FOXL2NB: variants seen among roughly 807,000 people sequenced by gnomAD.
FOXL2NB encodes the protein FOXL2 neighbor protein.
Under a neutral mutation model 7.4 loss-of-function variants are expected in FOXL2NB, and 10 were observed. That is an observed-to-expected ratio of 1.34 (90% confidence interval 0.83 to 2.28). The LOEUF (loss-of-function observed/expected upper bound fraction) is 2.28, where lower values mean the gene tolerates loss of function less well. Ranked by LOEUF, FOXL2NB falls within the 30% of genes most tolerant of loss-of-function variation. The pLI is 0.00. For synonymous variants in FOXL2NB, 104 were observed against 105.3 expected (o/e 0.99, Z 0.08); for missense variants, 228 against 233.9 (o/e 0.97, Z 0.17).
In FOXL2NB at chr3:138,947,991, G is replaced by A. The variant is rs984206101; in HGVS notation, c.100+527G>A. On this transcript the variant is annotated intron_variant, in intron 1 of 2. Coordinates refer to ENST00000383165, the MANE Select transcript of FOXL2NB (RefSeq NM_001040061.3). This position sits in a 1 kb window ranked among gnomAD's most constrained non-coding sequence, Gnocchi z 5.2. ...TGGGTGAGATACCAGGTGCATGTGT[G>A]CTGCTCAGAAACACAGGTATGCACA... 13 of 986,112 alleles carry A rather than the reference G, an allele frequency of 1.3e-5. No homozygotes were observed. The highest frequency in any genetic ancestry group is 1.6e-5 in the Non-Finnish European group (13 of 830,444). The allele number at this position is 986,112 out of a possible 1,614,324, so 61.1% of individuals were successfully genotyped here.
rs566392709 is a variant in FOXL2NB at position 138,950,404 on chromosome 3, C to G, written c.360C>G (p.Ala120=). Residue 120 remains alanine, a synonymous_variant, in exon 3 of 3, where the codon GCC becomes GCG. Transcript: ENST00000383165. The part of the protein sequence containing the change: ...LEPLSSSRAA[A]GCLNQVPLSP... ...CACTCAGCTCGTCCCGCGCCGCCGC[C>G]GGCTGCCTGAACCAGGTTCCGCTGT... is the stretch of plus-strand genomic sequence containing the variant. The G allele has an allele frequency of 6.2e-7, 1 of 1,613,438 alleles. No individual in the cohort carries two copies. The highest frequency in any genetic ancestry group is 2.2e-5 in the East Asian group (1 of 44,884).
At position 138,951,090 on chromosome 3, in the gene FOXL2NB, A is replaced by T. The variant is rs1337715398; in HGVS notation, c.*518A>T. 2 of 157,466 alleles carry T rather than the reference A, an allele frequency of 1.3e-5. No individual in the cohort carries two copies. Among genetic ancestry groups the T allele is most frequent in the Admixed American group, 6.5e-5 (1 of 15,322 alleles). 9.8% of individuals were successfully genotyped at this position (157,466 alleles called of 1,614,324 possible). A position where few individuals can be genotyped will look rare whatever the true frequency, so the allele number is the denominator to read the frequency against. On this transcript the variant is annotated 3_prime_UTR_variant, in exon 3 of 3. Coordinates refer to ENST00000383165, the MANE Select transcript of FOXL2NB (RefSeq NM_001040061.3). ...TGCACAGGCCACTCACACAGGCTTT[A>T]TCTCTGTCTCGAAACTCTGCTGAGT...
chr3:138,950,017 G>C (rs1029547165), intron 2 of FOXL2NB: 10 of 703,970 alleles, frequency 1.4e-5, no homozygotes, highest in Non-Finnish European at 2.3e-5. Context: ...CAGGGTGGTG[G>C]GCTGGGCAGA....
chr3:138,951,726 G>A lies in FOXL2NB; in HGVS notation c.*1154G>A, dbSNP rs949556538. On this transcript the variant is annotated 3_prime_UTR_variant, in exon 3 of 3. Transcript: ENST00000383165. ...TTCAGCTCTGAACAGTGAGTGCCTT[G>A]CCAGTAGGCCTCAGGCTTGCTGGGG... 6 of 152,210 alleles carry A rather than the reference G, an allele frequency of 3.9e-5. No homozygotes were observed. Among genetic ancestry groups the A allele is most frequent in the East Asian group, 1.9e-4 (1 of 5,182 alleles). The allele number at this position is 152,210 out of a possible 1,614,324, so 9.4% of individuals were successfully genotyped here.
intron 1 of FOXL2NB, among the ~76,000 whole-genome samples, chr3:138,948,231 G>A (rs1187530790): frequency 6.6e-6 from 1 of 152,106 alleles, no homozygotes; most frequent in Non-Finnish European, 1.5e-5. Flanking sequence ...GCCACAGACT[G>A]GGAAGACAAA....
chr3:138,948,688 C>T (rs1936046768), intron 1 of FOXL2NB, among the ~76,000 whole-genome samples: 1 of 152,194 alleles, frequency 6.6e-6, no homozygotes, highest in South Asian at 2.1e-4. Context: ...CTCCTGAAGC[C>T]CAAGGAGCCT....
rs760944873 is a variant in FOXL2NB at position 138,950,511 on chromosome 3, GCTT to G, written c.468_470del (p.Cys156_Leu157delinsTrp). On this transcript the variant is annotated inframe_deletion, in exon 3 of 3. Coordinates refer to ENST00000383165, the MANE Select transcript of FOXL2NB (RefSeq NM_001040061.3). The stretch of plus-strand genomic sequence containing the variant: ...AGAATAGAGCTTGCTGCAACCCTCT[GCTT>G]GGAGGGATGGCCTCTGCGGTGCTTG... 1 of 1,614,244 alleles carries G rather than the reference GCTT, an allele frequency of 6.2e-7. No homozygotes were observed. Among genetic ancestry groups the G allele is most frequent in the South Asian group, 1.1e-5 (1 of 91,090 alleles).
Position 138,949,804 on chromosome 3 carries a change from A to G in FOXL2NB, c.220+165A>G. On this transcript the variant is annotated intron_variant, in intron 2 of 2. Coordinates refer to ENST00000383165, the MANE Select transcript of FOXL2NB (RefSeq NM_001040061.3). This position sits in a 1 kb window ranked among gnomAD's most constrained non-coding sequence, Gnocchi z 4.5. ...CAGAGGTGGGTGAACCGGGCGCTCCAGGAAACGGTGCGGGGCGCCCTGATT... is the reference window on the plus strand; with the variant it reads ...CAGAGGTGGGTGAACCGGGCGCTCCGGGAAACGGTGCGGGGCGCCCTGATT... 1 of 1,001,564 alleles carries G rather than the reference A, an allele frequency of 1.0e-6. No homozygotes were observed. Among genetic ancestry groups the G allele is most frequent in the Non-Finnish European group, 1.5e-6 (1 of 654,948 alleles). The allele number at this position is 1,001,564 out of a possible 1,614,324, so 62.0% of individuals were successfully genotyped here. A position where few individuals can be genotyped will look rare whatever the true frequency, so the allele number is the denominator to read the frequency against.
rs200299924 is a variant in FOXL2NB at position 138,950,253 on chromosome 3, T to C, written c.221-12T>C. On this transcript the variant is annotated splice_polypyrimidine_tract_variant and intron_variant, in intron 2 of 2. Coordinates refer to ENST00000383165, the MANE Select transcript of FOXL2NB (RefSeq NM_001040061.3). The stretch of plus-strand genomic sequence containing the variant: ...ATCTACACGGCTCTGATACAGACGC[T>C]TTTCTCCCCAGGGCCGGGAATCCTG... The C allele has an allele frequency of 1.4e-5, 23 of 1,601,686 alleles. No individual in the cohort carries two copies. In the African/African-American group the frequency reaches 1.8e-4, roughly 12 times the overall value.
chr3:138,949,891 G>GCATA lies in FOXL2NB; in HGVS notation c.220+254_220+257dup. 1.4e-6 allele frequency: 1 copy of GCATA among 694,972 alleles called. No homozygotes were observed. Among genetic ancestry groups the GCATA allele is most frequent in the Admixed American group, 2.0e-5 (1 of 49,534 alleles). 43.1% of individuals were successfully genotyped at this position (694,972 alleles called of 1,614,324 possible). On this transcript the variant is annotated intron_variant, in intron 2 of 2. Transcript: ENST00000383165. The surrounding 1 kb of genome is among the most constrained non-coding windows in gnomAD (Gnocchi z 4.5). ...GAGGTCGGGATCCTCTCTGAACAGG[G>GCATA]CATACTGTGCCTAGGTTTTGTGGAC...
In FOXL2NB at chr3:138,947,378, C is replaced by T. The variant is rs1361900688; in HGVS notation, c.14C>T (p.Pro5Leu). The change falls in exon 1 of 3, where the codon CCG (proline) becomes CTG (leucine). Residue 5 changes from proline to leucine, a missense_variant. Coordinates refer to ENST00000383165, the MANE Select transcript of FOXL2NB (RefSeq NM_001040061.3). This position sits in a 1 kb window ranked among gnomAD's most constrained non-coding sequence, Gnocchi z 5.2. MTRT[P>L]VGSARTRPKP... ...CTGGGCTGGGAGATGACGAGGACCC[C>T]GGTGGGGTCTGCCCGCACCCGGCCA... 1 of 1,533,844 alleles carries T rather than the reference C, an allele frequency of 6.5e-7. No individual in the cohort carries two copies. The highest frequency in any genetic ancestry group is 1.2e-5 in the South Asian group (1 of 83,624).
In FOXL2NB at chr3:138,947,619, G is replaced by A; in HGVS notation, c.100+155G>A. On this transcript the variant is annotated intron_variant, in intron 1 of 2. Coordinates refer to ENST00000383165, the MANE Select transcript of FOXL2NB (RefSeq NM_001040061.3). This position sits in a 1 kb window ranked among gnomAD's most constrained non-coding sequence, Gnocchi z 5.2. ...CTTTGGGAAAGTCAGCCCAGAAACG[G>A]GTGTGACTGTACGAAGAAGCCTCGG... 1 of 1,404,870 alleles carries A rather than the reference G, an allele frequency of 7.1e-7. No individual in the cohort carries two copies. Among genetic ancestry groups the A allele is most frequent in the Non-Finnish European group, 9.2e-7 (1 of 1,081,304 alleles). The allele number at this position is 1,404,870 out of a possible 1,614,324, so 87.0% of individuals were successfully genotyped here.
In FOXL2NB at chr3:138,950,619, C is replaced by A. The variant is rs1936112244; in HGVS notation, c.*47C>A. The A allele has an allele frequency of 2.5e-6, 4 of 1,600,226 alleles. No homozygotes were observed. Among genetic ancestry groups the A allele is most frequent in the Non-Finnish European group, 3.4e-6 (4 of 1,173,634 alleles). On this transcript the variant is annotated 3_prime_UTR_variant, in exon 3 of 3. Coordinates refer to ENST00000383165, the MANE Select transcript of FOXL2NB (RefSeq NM_001040061.3). ...CCTCAACAACTGTCAGCACTCACTC[C>A]CTCCCGGCCCCTCACAGGGCCCTTT...
rs1936060187 is a variant in FOXL2NB, at chr3:138,949,115, C to CG, written c.101-405_101-404insG. Among the ~76,000 whole-genome samples, 1 of 152,114 alleles carries CG rather than the reference C, an allele frequency of 6.6e-6. No homozygotes were observed. On this transcript the variant is annotated intron_variant, in intron 1 of 2. Transcript: ENST00000383165. The surrounding 1 kb of genome is among the most constrained non-coding windows in gnomAD (Gnocchi z 4.5). ...GCAGATTGGCCTCAGTGCCTATCCT[C>CG]CCCCAGCCAGGGCCTGGGCAGGGGG...
In FOXL2NB at chr3:138,947,276, C is replaced by T. The variant is rs570070730; in HGVS notation, c.-89C>T. On this transcript the variant is annotated 5_prime_UTR_variant, in exon 1 of 3. Coordinates refer to ENST00000383165, the MANE Select transcript of FOXL2NB (RefSeq NM_001040061.3). This position sits in a 1 kb window ranked among gnomAD's most constrained non-coding sequence, Gnocchi z 5.2. Reference sequence around the variant, plus strand: ...CGCACAGCCTGGACCGGCCTGCCCCCGCCCAGCGAGCCTCAGGGGCCCAGC... The same window carrying T: ...CGCACAGCCTGGACCGGCCTGCCCCTGCCCAGCGAGCCTCAGGGGCCCAGC... The T allele has an allele frequency of 4.7e-6, 5 of 1,054,960 alleles. No individual in the cohort carries two copies. In the African/African-American group the frequency reaches 4.9e-5, roughly 10 times the overall value. 65.3% of individuals were successfully genotyped at this position (1,054,960 alleles called of 1,614,324 possible).
Position 138,949,903 on chromosome 3 carries a change from T to C in FOXL2NB, c.220+264T>C. ...CTCTCTGAACAGGGCATACTGTGCCTAGGTTTTGTGGACGCCAGGGCCGGT... is the reference window on the plus strand; with the variant it reads ...CTCTCTGAACAGGGCATACTGTGCCCAGGTTTTGTGGACGCCAGGGCCGGT... On this transcript the variant is annotated intron_variant, in intron 2 of 2. Coordinates refer to ENST00000383165, the MANE Select transcript of FOXL2NB (RefSeq NM_001040061.3). This position sits in a 1 kb window ranked among gnomAD's most constrained non-coding sequence, Gnocchi z 4.5. 1.4e-6 allele frequency: 1 copy of C among 693,186 alleles called. No homozygotes were observed. The highest frequency in any genetic ancestry group is 1.5e-5 in the South Asian group (1 of 66,724). The allele number at this position is 693,186 out of a possible 1,614,324, so 42.9% of individuals were successfully genotyped here.
rs1201589771 is a variant in FOXL2NB, at chr3:138,949,490, C to G, written c.101-30C>G. On this transcript the variant is annotated intron_variant, in intron 1 of 2. Coordinates refer to ENST00000383165, the MANE Select transcript of FOXL2NB (RefSeq NM_001040061.3). This position sits in a 1 kb window ranked among gnomAD's most constrained non-coding sequence, Gnocchi z 4.5. ...AGAAAGGAGTTCTGCTCTGAAAATACTGATTTCTGACTGTCCCGTAGAGGA... is the reference window on the plus strand; with the variant it reads ...AGAAAGGAGTTCTGCTCTGAAAATAGTGATTTCTGACTGTCCCGTAGAGGA... 1 of 1,613,314 alleles carries G rather than the reference C, an allele frequency of 6.2e-7. No homozygotes were observed. Among genetic ancestry groups the G allele is most frequent in the Non-Finnish European group, 8.5e-7 (1 of 1,179,726 alleles).
At position 138,949,202 on chromosome 3, in the gene FOXL2NB, T is replaced by G. The variant is rs1297987522; in HGVS notation, c.101-318T>G. ...TCCTCTCTCCTTTTCTCTCCTTTTT[T>G]TTTTTCTTGACCACCCAGGCTGGCT... On this transcript the variant is annotated intron_variant, in intron 1 of 2. Transcript: ENST00000383165. The surrounding 1 kb of genome is among the most constrained non-coding windows in gnomAD (Gnocchi z 4.5). Among the ~76,000 whole-genome samples, 1 of 150,372 alleles carries G rather than the reference T, an allele frequency of 6.7e-6. No homozygotes were observed. The highest frequency in any genetic ancestry group is 2.5e-5 in the African/African-American group (1 of 40,714).
Position 138,947,661 on chromosome 3 carries a change from C to T in FOXL2NB, c.100+197C>T. 2 of 1,354,030 alleles carry T rather than the reference C, an allele frequency of 1.5e-6. No individual in the cohort carries two copies. Among genetic ancestry groups the T allele is most frequent in the Non-Finnish European group, 1.9e-6 (2 of 1,056,960 alleles). 83.9% of individuals were successfully genotyped at this position (1,354,030 alleles called of 1,614,324 possible). A position where few individuals can be genotyped will look rare whatever the true frequency, so the allele number is the denominator to read the frequency against. ...AAGCCTCGGCCTGGCCTGTCCCTCG[C>T]GCTCTCAGAGTGACTGGGCTGGAAT... On this transcript the variant is annotated intron_variant, in intron 1 of 2. Coordinates refer to ENST00000383165, the MANE Select transcript of FOXL2NB (RefSeq NM_001040061.3). The surrounding 1 kb of genome is among the most constrained non-coding windows in gnomAD (Gnocchi z 5.2).
Sources: allele counts gnomAD v4.1 joint callset (sites outside exome capture counted in the v4.1 genomes callset), GRCh38; gene constraint gnomAD v4.1.1; non-coding constraint Gnocchi (gnomAD v3.1); transcripts MANE v1.5; gene names NCBI Gene and HGNC (gene_info 2026-07-23, HGNC 2026-07-21).